The following POU6F2 variants were observed in gnomAD, a reference collection of about 807,000 sequenced individuals.
POU6F2 encodes the protein POU class 6 homeobox 2.
A neutral mutation model predicts 71.3 loss-of-function variants in POU6F2; 31 were observed. That is an observed-to-expected ratio of 0.43 (90% confidence interval 0.33 to 0.59). The LOEUF is 0.59. Among genes scored for constraint, POU6F2 ranks in the 20% least tolerant of loss-of-function variants. The pLI, the probability that POU6F2 is intolerant of heterozygous loss-of-function variation, is 0.04. For synonymous variants in POU6F2, 347 were observed against 355.7 expected (o/e 0.98, Z 0.27); for missense variants, 783 against 856.8 (o/e 0.91, Z 1.07).
intron 4 of POU6F2, among the ~76,000 whole-genome samples, chr7:39,250,806 A>G (rs906697374): frequency 3.9e-5 from 6 of 152,230 alleles, no homozygotes; most frequent in Non-Finnish European, 5.9e-5. Flanking sequence ...GGGAAAAATT[A>G]TCTTTATATA....
chr7:39,074,263 C>A (rs1156999560), intron 1 of POU6F2, among the ~76,000 whole-genome samples: 1 of 152,044 alleles, frequency 6.6e-6, no homozygotes, highest in East Asian at 1.9e-4. Context: ...GCGGGTGGAT[C>A]ACCTGAGGTC....
intron 1 of POU6F2, among the ~76,000 whole-genome samples, chr7:39,082,835 C>CACAA (rs1178781890): frequency 2.0e-5 from 3 of 149,072 alleles, no homozygotes; most frequent in Non-Finnish European, 4.5e-5. Context: ...CACACACACA[C>CACAA]AAATATATAT....
chr7:39,050,410 C>T (rs1790380882), intron 1 of POU6F2, among the ~76,000 whole-genome samples: 2 of 152,098 alleles, frequency 1.3e-5, no homozygotes, highest in African/African-American at 4.8e-5. Context: ...CTGGTATCTC[C>T]TCTGCAAAAC....
At position 39,339,994 on chromosome 7, in the gene POU6F2, C is replaced by T. The variant is rs1236742804; in HGVS notation, c.951C>T (p.Leu317=). 1.9e-6 allele frequency: 3 copies of T among 1,611,642 alleles called. No individual in the cohort carries two copies. The highest frequency in any genetic ancestry group is 1.3e-5 in the African/African-American group (1 of 74,892). ...QSPGHGLPSP[L]TPPNPLQLVN... is the part of the protein sequence containing the mutation. ...CAGGACATGGCCTGCCTTCACCGCT[C>T]ACGCCACCCAATCCTCTACAGGTAT... Residue 317 remains leucine (L), a synonymous_variant, in exon 5 of 10, where the codon CTC becomes CTT. Coordinates refer to ENST00000518318, the MANE Select transcript of POU6F2 (RefSeq NM_001370959.1).
intron 5 of POU6F2, among the ~76,000 whole-genome samples, chr7:39,383,364 T>C (rs1275649446): frequency 1.3e-5 from 2 of 152,158 alleles, no homozygotes; most frequent in African/African-American, 4.8e-5. Flanking sequence ...AGCTATTTTT[T>C]TTGTCTATGA....
At chr7:39,369,578 G>A (rs1414180591) in intron 5 of POU6F2, among the ~76,000 whole-genome samples, 1 of 151,946 alleles carries the variant, frequency 6.6e-6, no homozygotes, top group Non-Finnish European at 1.5e-5. Context: ...TGGCCGGGCT[G>A]GTCTTGAACT....
At chr7:39,462,677 T>C (rs112520960) in intron 9 of POU6F2, among the ~76,000 whole-genome samples, 4 of 152,296 alleles carry the variant, frequency 2.6e-5, no homozygotes, top group African/African-American at 9.6e-5. Flanking sequence ...TTTGAGGAGC[T>C]TGCCATAAAG....
In POU6F2 at chr7:39,433,255, C is replaced by G. The variant is rs146637189; in HGVS notation, c.1292C>G (p.Thr431Arg). ...ILPVINTQGI[T>R]LSPIKPGQQL... ...CCCGTGATCAACACCCAGGGCATCA[C>G]GCTGTCACCCATCAAGCCCGGCCAG... is the stretch of plus-strand genomic sequence containing the variant. The change falls in exon 7 of 10, where the codon ACG becomes AGG. Residue 431 changes from threonine to arginine, a missense_variant. By Grantham distance (71) the Thr-to-Arg change is moderately conservative. Coordinates refer to ENST00000518318, the MANE Select transcript of POU6F2 (RefSeq NM_001370959.1). The G allele has an allele frequency of 8.1e-6, 13 of 1,613,964 alleles. No individual in the cohort carries two copies. The highest frequency in any genetic ancestry group is 1.1e-5 in the South Asian group (1 of 91,090).
Position 39,464,135 on chromosome 7 carries a change from G to C in POU6F2, c.1659-47G>C. ...GCAGGCAGGCAGGAGGCCCACCCTGGCAGAGGACTCAGTGTAAGACTGTTC... is the reference window on the plus strand; with the variant it reads ...GCAGGCAGGCAGGAGGCCCACCCTGCCAGAGGACTCAGTGTAAGACTGTTC... On this transcript the variant is annotated intron_variant, in intron 9 of 9. Transcript: ENST00000518318. The surrounding 1 kb of genome is among the most constrained non-coding windows in gnomAD (Gnocchi z 4.1). 6.4e-7 allele frequency: 1 copy of C among 1,572,484 alleles called. No homozygotes were observed. Among genetic ancestry groups the C allele is most frequent in the Non-Finnish European group, 8.7e-7 (1 of 1,155,966 alleles).
intron 2 of POU6F2, among the ~76,000 whole-genome samples, chr7:39,197,841 A>G (rs1029531341): frequency 1.3e-5 from 2 of 152,260 alleles, no homozygotes; most frequent in Admixed American, 1.3e-4. Context: ...ACACCACCAT[A>G]CACACATACA....
rs549413488 is a variant in POU6F2 at position 39,138,693 on chromosome 7, A to G, written c.277+52662A>G. 3.9e-5 allele frequency among the ~76,000 whole-genome samples: 6 copies of G among 152,334 alleles called. No individual in the cohort carries two copies. In the South Asian group the frequency reaches 1.2e-3, roughly 32 times the overall value. ...GTGAGTTGTATAATTATTTCATTATATGTTACAATGTAATAATAATAGAAA... is the reference window on the plus strand; with the variant it reads ...GTGAGTTGTATAATTATTTCATTATGTGTTACAATGTAATAATAATAGAAA... On this transcript the variant is annotated intron_variant, in intron 2 of 9. Transcript: ENST00000518318.
At chr7:39,410,684 T>C (rs957431763) in intron 6 of POU6F2, among the ~76,000 whole-genome samples, 4 of 152,190 alleles carry the variant, frequency 2.6e-5, no homozygotes, top group Non-Finnish European at 4.4e-5. Context: ...TTATGAAGAT[T>C]AAATGAGATA....
At chr7:39,431,846 A>C (rs768026553) in intron 6 of POU6F2, among the ~76,000 whole-genome samples, 4 of 152,170 alleles carry the variant, frequency 2.6e-5, no homozygotes, top group Non-Finnish European at 5.9e-5. Flanking sequence ...ACTTCCTGAG[A>C]TCTTACTACT....
intron 4 of POU6F2, among the ~76,000 whole-genome samples, chr7:39,258,989 T>C (rs769203761): frequency 9.2e-5 from 14 of 152,194 alleles, no homozygotes; most frequent in Non-Finnish European, 1.6e-4. Context: ...TATTATGCCA[T>C]TTGAAGGACA....
At chr7:39,221,345 G>A (rs767729199) in intron 4 of POU6F2, among the ~76,000 whole-genome samples, 24 of 147,640 alleles carry the variant, frequency 1.6e-4, no homozygotes, top group Admixed American at 4.7e-4. Flanking sequence ...AGTTTTATGC[G>A]CAATTTCCAT....
chr7:39,042,224 G>A (rs1184112622), intron 1 of POU6F2, among the ~76,000 whole-genome samples: 2 of 151,946 alleles, frequency 1.3e-5, no homozygotes, highest in Non-Finnish European at 2.9e-5. Context: ...AATAGAAAGA[G>A]CAAATTAAAT....
intron 2 of POU6F2, among the ~76,000 whole-genome samples, chr7:39,195,630 G>A (rs1367162907): frequency 6.6e-6 from 1 of 151,750 alleles, no homozygotes; most frequent in Admixed American, 6.6e-5. Flanking sequence ...GTATCCATGT[G>A]GGGCCACTTG....
chr7:39,233,812 A>C (rs1415817073), intron 4 of POU6F2, among the ~76,000 whole-genome samples: 1 of 152,076 alleles, frequency 6.6e-6, no homozygotes, highest in African/African-American at 2.4e-5. Flanking sequence ...AGAAAGTGTA[A>C]AACCCGGTCA....
intron 5 of POU6F2, among the ~76,000 whole-genome samples, chr7:39,362,097 T>G (rs550934124): frequency 6.6e-6 from 1 of 152,320 alleles, no homozygotes; most frequent in African/African-American, 2.4e-5. Flanking sequence ...GCCCTTGCTA[T>G]CCCCTTGTTT....
Sources: allele counts gnomAD v4.1 joint callset (sites outside exome capture counted in the v4.1 genomes callset), GRCh38; gene constraint gnomAD v4.1.1; non-coding constraint Gnocchi (gnomAD v3.1); transcripts MANE v1.5; gene names NCBI Gene and HGNC (gene_info 2026-07-23, HGNC 2026-07-21).